The following USP48 variants were observed in gnomAD, a reference collection of about 807,000 sequenced individuals.
USP48 encodes the protein ubiquitin specific peptidase 48.
A neutral mutation model predicts 150.7 loss-of-function variants in USP48; 43 were observed. The ratio of observed to expected loss-of-function variants is 0.29; its 90% CI spans 0.22 to 0.37. The LOEUF is 0.37. USP48 is among the 10% of genes least tolerant of loss of function. USP48 has a pLI of 1.00. For missense variants in USP48, 813 were observed against 1,249.6 expected, an observed-to-expected ratio of 0.65 and a Z score of 5.27; for synonymous variants, 396 against 425.9, an observed-to-expected ratio of 0.93 and a Z score of 0.86.
At chr1:21,766,035 G>A (rs2097861463) in intron 1 of USP48, among the ~76,000 whole-genome samples, 1 of 151,152 alleles carries the variant, frequency 6.6e-6, no homozygotes, top group Non-Finnish European at 1.5e-5. Flanking sequence ...GGCAAGAAAG[G>A]AAAGGAGAAA....
chr1:21,683,133 T>C (rs2097571266), intron 25 of USP48, among the ~76,000 whole-genome samples: 2 of 152,004 alleles, frequency 1.3e-5, no homozygotes, highest in South Asian at 4.2e-4. Flanking sequence ...TGGTGTTGCA[T>C]GCCTATAGTC....
intron 23 of USP48, among the ~76,000 whole-genome samples, chr1:21,694,545 G>C (rs1286118688): frequency 9.0e-6 from 1 of 111,618 alleles, no homozygotes; most frequent in Non-Finnish European, 1.7e-5. Flanking sequence ...ACTCCAGCCT[G>C]GGTGACAGAG....
chr1:21,774,376 A>G (rs2097891575), intron 1 of USP48, among the ~76,000 whole-genome samples: 1 of 151,976 alleles, frequency 6.6e-6, no homozygotes, highest in Non-Finnish European at 1.5e-5. Flanking sequence ...TATCATAAAC[A>G]TACATAAGAA....
At chr1:21,680,975 C>T (rs2097564210) in intron 25 of USP48, 141 bp from the exon 26 acceptor site, 7 of 620,584 alleles carry the variant, frequency 1.1e-5, no homozygotes, top group South Asian at 8.6e-5. Context: ...TTTGAAGTTA[C>T]GGATGTTACT....
At chr1:21,693,042 G>T (rs970632419) in intron 23 of USP48, among the ~76,000 whole-genome samples, 2 of 152,022 alleles carry the variant, frequency 1.3e-5, no homozygotes, top group African/African-American at 2.4e-5. Flanking sequence ...GCTCTCCTCT[G>T]CTTGCGATGC....
chr1:21,728,895 C>T (rs1412364694), intron 10 of USP48, among the ~76,000 whole-genome samples, 176 bp from the exon 11 acceptor site: 1 of 152,110 alleles, frequency 6.6e-6, no homozygotes, highest in Non-Finnish European at 1.5e-5. Context: ...TGAAGACAGC[C>T]ACTGGAATAA....
intron 20 of USP48, 53 bp downstream of exon 20, chr1:21,704,209 T>G: frequency 6.3e-7 from 1 of 1,577,256 alleles, no homozygotes; most frequent in Non-Finnish European, 8.6e-7. Context: ...CACCCTTTCT[T>G]CTTAAAATGT....
intron 12 of USP48, among the ~76,000 whole-genome samples, chr1:21,722,059 A>T (rs1488441790): frequency 6.6e-6 from 1 of 152,168 alleles, no homozygotes; most frequent in African/African-American, 2.4e-5. Context: ...ATGATAATCA[A>T]ATCACTGAGG....
At chr1:21,755,387 G>A (rs2097829785) in intron 3 of USP48, among the ~76,000 whole-genome samples, 1 of 151,216 alleles carries the variant, frequency 6.6e-6, no homozygotes, top group South Asian at 2.1e-4. Flanking sequence ...ATGGTAAAAT[G>A]CTGTCTCCAA....
At chr1:21,693,526 T>G (rs2097610240) in intron 23 of USP48, among the ~76,000 whole-genome samples, 1 of 152,222 alleles carries the variant, frequency 6.6e-6, no homozygotes, top group Non-Finnish European at 1.5e-5. Context: ...TGTGAACAGC[T>G]GCCATCTTCT....
chr1:21,705,283 T>A (rs2097668996), intron 19 of USP48, among the ~76,000 whole-genome samples: 1 of 152,164 alleles, frequency 6.6e-6, no homozygotes, highest in African/African-American at 2.4e-5. Flanking sequence ...AAGCATGGAA[T>A]AAAATTTGGG....
At chr1:21,780,425 C>T (rs2097911478) in intron 1 of USP48, among the ~76,000 whole-genome samples, 1 of 152,124 alleles carries the variant, frequency 6.6e-6, no homozygotes, top group African/African-American at 2.4e-5. Flanking sequence ...CTAACAGATG[C>T]TCAGTTTCCT....
At chr1:21,741,458 A>T (rs1317520735) in intron 8 of USP48, among the ~76,000 whole-genome samples, 1 of 152,220 alleles carries the variant, frequency 6.6e-6, no homozygotes, top group Non-Finnish European at 1.5e-5. Context: ...TTTCGCAAGG[A>T]CAAAATAGAC....
intron 14 of USP48, 85 bp downstream of exon 14, chr1:21,720,951 T>C: frequency 6.4e-7 from 1 of 1,551,542 alleles, no homozygotes; most frequent in Non-Finnish European, 8.8e-7. Context: ...TAGCTGGGAC[T>C]ACACGAATGA....
intron 14 of USP48, among the ~76,000 whole-genome samples, chr1:21,719,916 A>G (rs1440624584): frequency 1.3e-5 from 2 of 152,158 alleles, no homozygotes; most frequent in South Asian, 2.1e-4. Flanking sequence ...AAAAACTTAA[A>G]AAATAAAAAA....
chr1:21,715,526 T>C (rs2097701909), intron 14 of USP48, 69 bp from the exon 15 acceptor site: 24 of 985,430 alleles, frequency 2.4e-5, no homozygotes, highest in African/African-American at 3.3e-5. Context: ...GTAGCAGATA[T>C]ACTACTCTGC....
chr1:21,749,119 C>T (rs1197214185), intron 6 of USP48, among the ~76,000 whole-genome samples: 1 of 152,120 alleles, frequency 6.6e-6, no homozygotes, highest in Non-Finnish European at 1.5e-5. Context: ...AAGCTAATTG[C>T]AGCCAATCAT....
intron 13 of USP48, 44 bp downstream of exon 13, chr1:21,721,606 A>G: frequency 7.8e-7 from 1 of 1,277,066 alleles, no homozygotes; most frequent in Non-Finnish European, 1.1e-6. Flanking sequence ...GACCTCTTGA[A>G]AACTTCTTAG....
At chr1:21,710,941 A>AGGACTACAGCCGTGTGCCACTTT (rs1426257500) in intron 15 of USP48, among the ~76,000 whole-genome samples, 7 of 152,034 alleles carry the variant, frequency 4.6e-5, no homozygotes, top group Admixed American at 2.0e-4. Flanking sequence ...CTGGGCATCT[A>AGGACTACAGCCGTGTGCCACTTT]GGACTACAGC....
Sources: allele counts gnomAD v4.1 joint callset (sites outside exome capture counted in the v4.1 genomes callset), GRCh38; gene constraint gnomAD v4.1.1; transcripts MANE v1.5; gene names NCBI Gene and HGNC (gene_info 2026-07-23, HGNC 2026-07-21).